The following CADM2 variants were observed in gnomAD, a reference collection of about 807,000 sequenced individuals.
CADM2 encodes the protein immunoglobulin superfamily member 4D.
Under a neutral mutation model 49.8 loss-of-function variants are expected in CADM2, and 12 were observed. That is an observed-to-expected ratio of 0.24 (90% confidence interval 0.15 to 0.39). The LOEUF (loss-of-function observed/expected upper bound fraction) is 0.39, where lower values mean the gene tolerates loss of function less well. Ranked by LOEUF, CADM2 falls within the 10% of genes least tolerant of loss-of-function variation. The pLI is 1.00. For synonymous variants in CADM2, 214 were observed against 175.4 expected, an observed-to-expected ratio of 1.22 and a Z score of -1.74; for missense variants, 378 against 492.3, an observed-to-expected ratio of 0.77 and a Z score of 2.20.
intron 1 of CADM2, among the ~76,000 whole-genome samples, chr3:84,967,813 G>A (rs2031120169): frequency 1.3e-5 from 2 of 152,042 alleles, no homozygotes; most frequent in African/African-American, 2.4e-5. Context: ...TAAAACATGT[G>A]CAATGTGTAT....
At position 85,597,013 on chromosome 3, in the gene CADM2, G is replaced by A. The variant is rs1046314597; in HGVS notation, c.62-129509G>A. ...ATTACAGGTGTGAGCCATGGCAGCC[G>A]GCCTTGAATATATTCTTGATATATA... On this transcript the variant is annotated intron_variant, in intron 1 of 9. Transcript: ENST00000383699. Among the ~76,000 whole-genome samples the A allele has an allele frequency of 2.6e-5, 4 of 152,112 alleles. No individual in the cohort carries two copies. In the South Asian group the frequency reaches 6.2e-4, roughly 24 times the overall value.
intron 1 of CADM2, among the ~76,000 whole-genome samples, chr3:84,967,328 A>G (rs1315456297): frequency 6.6e-6 from 1 of 152,106 alleles, no homozygotes; most frequent in Non-Finnish European, 1.5e-5. Context: ...AAAAGTCCTA[A>G]TTTTCTTAAT....
chr3:85,191,973 T>TGTGTGTGTGTGTA (rs1451954236), intron 1 of CADM2, among the ~76,000 whole-genome samples: 1 of 126,508 alleles, frequency 7.9e-6, no homozygotes, highest in African/African-American at 3.5e-5. Context: ...GTGTGTGTAT[T>TGTGTGTGTGTGTA]TTTTTAACCA....
intron 1 of CADM2, among the ~76,000 whole-genome samples, chr3:85,710,024 C>T (rs1355193193): frequency 6.6e-6 from 1 of 152,132 alleles, no homozygotes; most frequent in African/African-American, 2.4e-5. Context: ...AATCTCACAG[C>T]TCTCCGGAAA....
At chr3:85,142,562 A>G (rs912226910) in intron 1 of CADM2, among the ~76,000 whole-genome samples, 1 of 152,184 alleles carries the variant, frequency 6.6e-6, no homozygotes. Context: ...TTTTTGGATT[A>G]TTTTTATTGA....
At chr3:86,014,990 T>A in intron 8 of CADM2, 1 of 1,160,940 alleles carries the variant, frequency 8.6e-7, no homozygotes, top group Non-Finnish European at 1.3e-6. Context: ...AAAGTTCGAG[T>A]AACTTGGCTT....
intron 2 of CADM2, among the ~76,000 whole-genome samples, chr3:85,796,427 C>A (rs2071626622): frequency 6.6e-6 from 1 of 152,138 alleles, no homozygotes; most frequent in Non-Finnish European, 1.5e-5. Context: ...AGGCAAAACA[C>A]ATCCCACTGT....
intron 1 of CADM2, among the ~76,000 whole-genome samples, chr3:85,534,555 T>C (rs2061385853): frequency 1.3e-5 from 2 of 152,162 alleles, no homozygotes; most frequent in African/African-American, 4.8e-5. Context: ...TTCTGTTCAG[T>C]ATTATCTAAG....
At chr3:85,348,746 C>G (rs113904388) in intron 1 of CADM2, among the ~76,000 whole-genome samples, 1 of 151,984 alleles carries the variant, frequency 6.6e-6, no homozygotes, top group African/African-American at 2.4e-5. Flanking sequence ...AGAGTTTTAC[C>G]TAAAAACTTG....
chr3:85,258,711 T>A (rs1231646028), intron 1 of CADM2, among the ~76,000 whole-genome samples: 2 of 152,132 alleles, frequency 1.3e-5, no homozygotes, highest in Non-Finnish European at 2.9e-5. Flanking sequence ...TATCTAACAC[T>A]TTAGAAGTTG....
chr3:85,277,704 G>C (rs773877269), intron 1 of CADM2, among the ~76,000 whole-genome samples: 6 of 151,318 alleles, frequency 4.0e-5, no homozygotes, highest in Non-Finnish European at 7.4e-5. Flanking sequence ...TTTCTGGTGA[G>C]ACTTCTCTTA....
intron 1 of CADM2, among the ~76,000 whole-genome samples, chr3:85,010,253 A>G (rs77340049): frequency 0.049 from 7,504 of 152,260 alleles, 222 homozygotes; most frequent in East Asian, 0.1. Flanking sequence ...TCTCTTGAAA[A>G]AGAACATAAA....
intron 1 of CADM2, among the ~76,000 whole-genome samples, chr3:85,209,675 A>G (rs80250725): frequency 1.3e-5 from 2 of 151,994 alleles, no homozygotes; most frequent in Admixed American, 6.6e-5. Flanking sequence ...TAAAAAAAAA[A>G]CATACAGAAG....
At chr3:85,413,967 C>T (rs1442980720) in intron 1 of CADM2, among the ~76,000 whole-genome samples, 4 of 151,984 alleles carry the variant, frequency 2.6e-5, no homozygotes, top group Non-Finnish European at 2.9e-5. Context: ...AGGGTTCAAG[C>T]GATTCTTCTT....
intron 5 of CADM2, among the ~76,000 whole-genome samples, chr3:85,896,952 G>A (rs1715295412): frequency 6.6e-6 from 1 of 152,014 alleles, no homozygotes; most frequent in Non-Finnish European, 1.5e-5. Flanking sequence ...CAGAATTCCT[G>A]GTTGTCAGGC....
At chr3:85,927,560 A>G (rs1442284294) in intron 6 of CADM2, among the ~76,000 whole-genome samples, 3 of 152,198 alleles carry the variant, frequency 2.0e-5, no homozygotes, top group Non-Finnish European at 1.5e-5. Flanking sequence ...CAGTACTCAT[A>G]GGAACTAATT....
chr3:85,552,211 A>T (rs1046553978), intron 1 of CADM2, among the ~76,000 whole-genome samples: 1 of 152,106 alleles, frequency 6.6e-6, no homozygotes, highest in African/African-American at 2.4e-5. Context: ...ATGATAATTG[A>T]CTCATTAAAG....
At chr3:85,976,745 T>C (rs75259170) in intron 8 of CADM2, among the ~76,000 whole-genome samples, 6,174 of 151,570 alleles carry the variant, frequency 0.041, 414 homozygotes, top group African/African-American at 0.14. Flanking sequence ...AATTTGTTTT[T>C]AGCCACATAT....
Position 85,994,161 on chromosome 3 carries a change from T to C in CADM2, c.970+32514T>C, listed in dbSNP as rs1429391063. 3.9e-5 allele frequency: 6 copies of C among 152,334 alleles called. No individual in the cohort carries two copies. In the East Asian group the frequency reaches 1.2e-3, roughly 29 times the overall value. The allele number at this position is 152,334 out of a possible 1,614,324, so 9.4% of individuals were successfully genotyped here. ...TTAGTGCAGCTGCCTTCATTAGTGA[T>C]CTTAGGTAGATGTTCTGGATAACAT... On this transcript the variant is annotated intron_variant, in intron 8 of 9. Transcript: ENST00000383699.
Sources: allele counts gnomAD v4.1 joint callset (sites outside exome capture counted in the v4.1 genomes callset), GRCh38; gene constraint gnomAD v4.1.1; transcripts MANE v1.5; gene names NCBI Gene and HGNC (gene_info 2026-07-23, HGNC 2026-07-21).